The following RNPS1 variants were observed in gnomAD, a reference collection of about 807,000 sequenced individuals.
RNPS1 encodes RNA-binding protein with serine-rich domain 1.
For missense variants in RNPS1, 300 were observed against 427.6 expected (o/e 0.70, Z 2.63); for synonymous variants, 147 against 150.0 (o/e 0.98, Z 0.15).
At chr16:2,259,290 C>T (rs2093592128) in intron 6 of RNPS1, among the ~76,000 whole-genome samples, 1 of 151,990 alleles carries the variant, frequency 6.6e-6, no homozygotes, top group Non-Finnish European at 1.5e-5. Flanking sequence ...GATATGTGTC[C>T]CAAAATCACG....
Position 2,264,160 on chromosome 16 carries a change from G to C in RNPS1, c.227+16C>G. ...TGGCACAGGTCCTCTCCAGGCTCCAGGCCAGCCCGCCCCACCTGGTACTGC... is the reference window on the plus strand; with the variant it reads ...TGGCACAGGTCCTCTCCAGGCTCCACGCCAGCCCGCCCCACCTGGTACTGC... On this transcript the variant is annotated intron_variant, in intron 3 of 7. Transcript: ENST00000320225. 6.2e-7 allele frequency: 1 copy of C among 1,612,278 alleles called. No homozygotes were observed. Among genetic ancestry groups the C allele is most frequent in the South Asian group, 1.1e-5 (1 of 91,012 alleles).
chr16:2,256,747 C>G (rs1159823944), intron 6 of RNPS1: 1 of 152,274 alleles, frequency 6.6e-6, no homozygotes, highest in Non-Finnish European at 1.5e-5. Context: ...AGGCAGTATC[C>G]GCGTTTGCGC....
chr16:2,267,770 TC>T (rs34390342), intron 1 of RNPS1: 1 of 1,341,586 alleles, frequency 7.5e-7, no homozygotes, highest in East Asian at 3.2e-5. Flanking sequence ...GAGGCCGCGC[TC>T]CCCGCTGGTC....
Position 2,264,708 on chromosome 16 carries a change from C to T in RNPS1, c.-65G>A. On this transcript the variant is annotated 5_prime_UTR_variant, in exon 2 of 8. Transcript: ENST00000320225. ...CACTTATCTGAACTCTCACTTCTAA[C>T]TTGATTCTGAGAAACGATCCCTAAT... is the stretch of plus-strand genomic sequence containing the variant. The T allele has an allele frequency of 6.3e-7, 1 of 1,594,894 alleles. No homozygotes were observed. Among genetic ancestry groups the T allele is most frequent in the Non-Finnish European group, 8.5e-7 (1 of 1,175,636 alleles).
chr16:2,258,952 G>T (rs1422169735), intron 6 of RNPS1, among the ~76,000 whole-genome samples: 4 of 151,710 alleles, frequency 2.6e-5, no homozygotes, highest in Non-Finnish European at 4.4e-5. Context: ...GTGAAACCAT[G>T]TCTCTACTAA....
rs778601021 is a variant in RNPS1 at position 2,264,165 on chromosome 16, G to A, written c.227+11C>T. On this transcript the variant is annotated intron_variant, in intron 3 of 7. Coordinates refer to ENST00000320225, the MANE Select transcript of RNPS1 (RefSeq NM_080594.4). ...CAGGTCCTCTCCAGGCTCCAGGCCAGCCCGCCCCACCTGGTACTGCTGCTA... is the reference window on the plus strand; with the variant it reads ...CAGGTCCTCTCCAGGCTCCAGGCCAACCCGCCCCACCTGGTACTGCTGCTA... 11 of 1,612,332 alleles carry A rather than the reference G, an allele frequency of 6.8e-6. No individual in the cohort carries two copies. Among genetic ancestry groups the A allele is most frequent in the Non-Finnish European group, 7.6e-6 (9 of 1,179,994 alleles).
At chr16:2,254,460 ATT>A (rs376133896) in intron 7 of RNPS1, among the ~76,000 whole-genome samples, 22 of 151,966 alleles carry the variant, frequency 1.4e-4, no homozygotes, top group African/African-American at 5.3e-4. Context: ...CGCACAGCTA[ATT>A]TTGTTTTGTT....
At chr16:2,262,589 T>G in intron 5 of RNPS1, 151 bp downstream of exon 5, 1 of 937,242 alleles carries the variant, frequency 1.1e-6, no homozygotes, top group Middle Eastern at 2.8e-4. Flanking sequence ...ACACATGTAT[T>G]AATGGTCCAC....
intron 6 of RNPS1, chr16:2,256,927 G>A (rs1373939842): frequency 6.6e-6 from 1 of 152,306 alleles, no homozygotes; most frequent in Non-Finnish European, 1.5e-5. Flanking sequence ...CCAGAGCTTG[G>A]TGATGGATGG....
At chr16:2,267,878 G>A (rs969250029) in intron 1 of RNPS1, 177 bp downstream of exon 1, 2 of 1,516,386 alleles carry the variant, frequency 1.3e-6, no homozygotes, top group Admixed American at 2.0e-5. Context: ...CCACGGCCTC[G>A]ACACCTCCCA....
At chr16:2,263,897 T>TTC (rs1172917265) in intron 3 of RNPS1, 12 of 294,824 alleles carry the variant, frequency 4.1e-5, no homozygotes, top group Non-Finnish European at 7.6e-5. Flanking sequence ...AATTACTCTT[T>TTC]TTTTTTTTTT....
chr16:2,264,533 AC>A, intron 2 of RNPS1, 39 bp downstream of exon 2: 3 of 1,596,064 alleles, frequency 1.9e-6, no homozygotes, highest in Non-Finnish European at 2.6e-6. Flanking sequence ...AGCAGTAAGC[AC>A]CCCCAAGTAG....
At position 2,264,712 on chromosome 16, in the gene RNPS1, A is replaced by T; in HGVS notation, c.-69T>A. 1 of 1,593,272 alleles carries T rather than the reference A, an allele frequency of 6.3e-7. No individual in the cohort carries two copies. The highest frequency in any genetic ancestry group is 8.5e-7 in the Non-Finnish European group (1 of 1,175,148). Reference sequence around the variant, plus strand: ...TATCTGAACTCTCACTTCTAACTTGATTCTGAGAAACGATCCCTAATCGAT... The same window carrying T: ...TATCTGAACTCTCACTTCTAACTTGTTTCTGAGAAACGATCCCTAATCGAT... On this transcript the variant is annotated 5_prime_UTR_variant, in exon 2 of 8. Coordinates refer to ENST00000320225, the MANE Select transcript of RNPS1 (RefSeq NM_080594.4).
chr16:2,259,169 T>C (rs983605694), intron 6 of RNPS1, among the ~76,000 whole-genome samples: 37 of 150,488 alleles, frequency 2.5e-4, no homozygotes, highest in African/African-American at 9.0e-4. Context: ...AACAGCACAC[T>C]GATGTAAAAG....
intron 6 of RNPS1, 167 bp downstream of exon 6, chr16:2,262,111 G>T: frequency 1.8e-6 from 1 of 561,710 alleles, no homozygotes; most frequent in East Asian, 3.0e-5. Flanking sequence ...AGAAATAGCA[G>T]CCCAAACCTC....
chr16:2,254,535 G>A (rs2093568272), intron 7 of RNPS1, among the ~76,000 whole-genome samples: 1 of 152,028 alleles, frequency 6.6e-6, no homozygotes, highest in African/African-American at 2.4e-5. Flanking sequence ...CTGACCTCGT[G>A]TTCCGCCCAC....
At chr16:2,257,188 G>A (rs549450713) in intron 6 of RNPS1, 2 of 152,370 alleles carry the variant, frequency 1.3e-5, no homozygotes, top group South Asian at 2.1e-4. Context: ...CCCCAGGGGA[G>A]CATGCACCCC....
At chr16:2,265,840 TAACA>T (rs2093622991) in intron 1 of RNPS1, 1 of 152,214 alleles carries the variant, frequency 6.6e-6, no homozygotes, top group Non-Finnish European at 1.5e-5. Context: ...GTGTTTTTTT[TAACA>T]TTTTTCAAAA....
chr16:2,263,691 C>A (rs2093612817), intron 3 of RNPS1, among the ~76,000 whole-genome samples: 1 of 152,234 alleles, frequency 6.6e-6, no homozygotes, highest in South Asian at 2.1e-4. Flanking sequence ...CCGCACACTG[C>A]AGCTTCAACC....
Sources: allele counts gnomAD v4.1 joint callset (sites outside exome capture counted in the v4.1 genomes callset), GRCh38; gene constraint gnomAD v4.1.1; transcripts MANE v1.5; gene names NCBI Gene and HGNC (gene_info 2026-07-23, HGNC 2026-07-21).